The following SPIDR variants were observed in gnomAD, a reference collection of about 807,000 sequenced individuals.
SPIDR encodes the protein DNA repair-scaffolding protein.
In SPIDR, 93 loss-of-function variants were observed where a neutral mutation model predicts 104.6. The ratio of observed to expected loss-of-function variants is 0.89; its 90% CI spans 0.75 to 1.06. SPIDR has a LOEUF of 1.06. Ranked by LOEUF, SPIDR falls within the 50% of genes least tolerant of loss-of-function variation. SPIDR has a pLI of 0.00. For synonymous variants in SPIDR, 431 were observed against 416.9 expected, an observed-to-expected ratio of 1.03 and a Z score of -0.41; for missense variants, 1,154 against 1,111.2, an observed-to-expected ratio of 1.04 and a Z score of -0.55.
At chr8:47,493,016 GGAGAGA>G (rs35531714) in intron 8 of SPIDR, among the ~76,000 whole-genome samples, 1,405 of 140,454 alleles carry the variant, frequency 0.01, 22 homozygotes, top group East Asian at 0.045. Context: ...TTGAGCCATT[GGAGAGA>G]GAGAGAGAGA....
rs558513661 is a variant in SPIDR, at chr8:47,589,034, T to TTG, written c.1098-6776_1098-6775insGT. On this transcript the variant is annotated intron_variant, in intron 8 of 19. Coordinates refer to ENST00000297423, the MANE Select transcript of SPIDR (RefSeq NM_001080394.4). ...TGGTTTATAGTTTGTTTTTTTTTTTTTTTTTTTTTGTACTGTCTTTGGTTT... is the reference window on the plus strand; with the variant it reads ...TGGTTTATAGTTTGTTTTTTTTTTTTTGTTTTTTTTTGTACTGTCTTTGGTTT... Among the ~76,000 whole-genome samples the TTG allele has an allele frequency of 2.5e-3, 381 of 149,710 alleles. 3 individuals are homozygous for TTG. Among genetic ancestry groups the TTG allele is most frequent in the South Asian group, 0.021 (98 of 4,738 alleles).
intron 8 of SPIDR, among the ~76,000 whole-genome samples, chr8:47,589,797 T>C (rs773950897): frequency 1.7e-4 from 26 of 152,336 alleles, no homozygotes; most frequent in Non-Finnish European, 3.1e-4. Flanking sequence ...AGTCAATTCA[T>C]TGATCTTTTC....
At chr8:47,626,403 T>G (rs1432102718) in intron 10 of SPIDR, among the ~76,000 whole-genome samples, 1 of 152,068 alleles carries the variant, frequency 6.6e-6, no homozygotes, top group African/African-American at 2.4e-5. Flanking sequence ...CTAATTAAAC[T>G]AAAGAGCTTC....
At chr8:47,702,225 G>GCCCC (rs1330070609) in intron 14 of SPIDR, among the ~76,000 whole-genome samples, 2 of 151,984 alleles carry the variant, frequency 1.3e-5, no homozygotes, top group Non-Finnish European at 2.9e-5. Flanking sequence ...AGTTAAGCAT[G>GCCCC]CCCCATATAC....
chr8:47,476,518 C>T (rs2076309412), intron 8 of SPIDR, among the ~76,000 whole-genome samples: 1 of 152,076 alleles, frequency 6.6e-6, no homozygotes, highest in Non-Finnish European at 1.5e-5. Flanking sequence ...CATTGTGAGT[C>T]ACACAGTTCC....
In SPIDR at chr8:47,552,009, T is replaced by A. The variant is rs1036751217; in HGVS notation, c.1098-43802T>A. The stretch of plus-strand genomic sequence containing the variant: ...TGGTTTCAGAGAACATCTTTATTTC[T>A]GCCTTCATTTCGTTATGTACCCAGT... On this transcript the variant is annotated intron_variant, in intron 8 of 19. Transcript: ENST00000297423. 3.3e-5 allele frequency among the ~76,000 whole-genome samples: 5 copies of A among 152,230 alleles called. 1 individual carries two copies. Among genetic ancestry groups the A allele is most frequent in the African/African-American group, 4.8e-5 (2 of 41,454 alleles).
At chr8:47,703,744 CA>C (rs1225984238) in intron 14 of SPIDR, among the ~76,000 whole-genome samples, 4 of 152,166 alleles carry the variant, frequency 2.6e-5, no homozygotes, top group Admixed American at 2.0e-4. Context: ...GCCCACAGGC[CA>C]TGGTTTGCTG....
At chr8:47,591,952 G>A (rs2061068550) in intron 8 of SPIDR, among the ~76,000 whole-genome samples, 1 of 152,158 alleles carries the variant, frequency 6.6e-6, no homozygotes, top group Non-Finnish European at 1.5e-5. Context: ...TCTAGCTTCT[G>A]CTCATGCTTT....
intron 5 of SPIDR, among the ~76,000 whole-genome samples, chr8:47,358,551 G>C (rs2055039683): frequency 6.6e-6 from 1 of 152,122 alleles, no homozygotes; most frequent in African/African-American, 2.4e-5. Context: ...TAGATTTTAA[G>C]ATTAAGGTTT....
chr8:47,635,923 A>G lies in SPIDR; in HGVS notation c.1544+36727A>G, dbSNP rs192335334. On this transcript the variant is annotated intron_variant, in intron 10 of 19. Coordinates refer to ENST00000297423, the MANE Select transcript of SPIDR (RefSeq NM_001080394.4). ...CACCCACAAAGGTAACTATTTCCTT[A>G]TATGTAGAGAACTTTAGTCAGAAAA... 2.7e-3 allele frequency among the ~76,000 whole-genome samples: 409 copies of G among 152,354 alleles called. 3 individuals carry two copies. Among genetic ancestry groups the G allele is most frequent in the Admixed American group, 5.0e-3 (77 of 15,308 alleles).
chr8:47,480,525 A>C (rs1313642515), intron 8 of SPIDR, among the ~76,000 whole-genome samples: 1 of 152,238 alleles, frequency 6.6e-6, no homozygotes, highest in Non-Finnish European at 1.5e-5. Context: ...AGCATTCTGC[A>C]CTAATAGATA....
Position 47,380,964 on chromosome 8 carries a change from G to A in SPIDR, c.526-15412G>A, listed in dbSNP as rs371781351. On this transcript the variant is annotated intron_variant, in intron 5 of 19. Coordinates refer to ENST00000297423, the MANE Select transcript of SPIDR (RefSeq NM_001080394.4). ...GTCTGGAATTGGTGTTGCTTTATTG[G>A]TTTTAATTCAATAGAAAATAAAATT... is the stretch of plus-strand genomic sequence containing the variant. Among the ~76,000 whole-genome samples the A allele has an allele frequency of 3.3e-5, 5 of 152,116 alleles. 1 individual carries two copies. In the East Asian group the frequency reaches 9.6e-4, roughly 29 times the overall value.
At chr8:47,720,401 C>T (rs937425978) in intron 16 of SPIDR, among the ~76,000 whole-genome samples, 2 of 152,218 alleles carry the variant, frequency 1.3e-5, no homozygotes, top group Non-Finnish European at 2.9e-5. Flanking sequence ...GCTAAGCCGT[C>T]TTCCAAAGTT....
At chr8:47,530,297 A>C (rs1452592996) in intron 8 of SPIDR, among the ~76,000 whole-genome samples, 3 of 152,128 alleles carry the variant, frequency 2.0e-5, no homozygotes, top group Non-Finnish European at 4.4e-5. Flanking sequence ...GTGAAACCCC[A>C]GCTGGGTGTG....
At chr8:47,587,947 TCTC>T (rs2060450042) in intron 8 of SPIDR, among the ~76,000 whole-genome samples, 1 of 146,848 alleles carries the variant, frequency 6.8e-6, no homozygotes, top group African/African-American at 2.5e-5. Context: ...GGGAAAGTGA[TCTC>T]CTTTACTTCA....
At chr8:47,418,440 G>A (rs1407565133) in intron 7 of SPIDR, among the ~76,000 whole-genome samples, 2 of 152,124 alleles carry the variant, frequency 1.3e-5, no homozygotes, top group African/African-American at 4.8e-5. Flanking sequence ...TGGTATATAA[G>A]AATGCTTGTG....
In SPIDR at chr8:47,595,894, C is replaced by T. The variant is rs753348456; in HGVS notation, c.1181C>T (p.Ser394Leu). 1.2e-6 allele frequency: 2 copies of T among 1,614,148 alleles called. No individual in the cohort carries two copies. The highest frequency in any genetic ancestry group is 2.2e-5 in the East Asian group (1 of 44,882). Reference protein sequence around the residue: ...FCEKVVAKEDSEKTCEVYCPD... With the variant: ...FCEKVVAKEDLEKTCEVYCPD... The stretch of plus-strand genomic sequence containing the variant: ...GAGAAAGTTGTTGCCAAAGAAGATT[C>T]AGAAAAAACTTGTGAAGTGTACTGT... The change falls in exon 9 of 20, where the codon TCA becomes TTA. Residue 394 changes from serine (S) to leucine (L), a missense_variant. Ser to Leu is a moderately radical substitution (Grantham distance 145). Coordinates refer to ENST00000297423, the MANE Select transcript of SPIDR (RefSeq NM_001080394.4).
At chr8:47,457,611 C>A (rs2073208216) in intron 8 of SPIDR, among the ~76,000 whole-genome samples, 1 of 151,750 alleles carries the variant, frequency 6.6e-6, no homozygotes, top group Non-Finnish European at 1.5e-5. Context: ...TAAGTTCCAC[C>A]TCTTTGTTTT....
At chr8:47,548,307 CAAAG>C (rs1177051414) in intron 8 of SPIDR, among the ~76,000 whole-genome samples, 1 of 152,116 alleles carries the variant, frequency 6.6e-6, no homozygotes, top group Non-Finnish European at 1.5e-5. Context: ...CACATTAACA[CAAAG>C]AAGGGAAGAA....
Sources: allele counts gnomAD v4.1 joint callset (sites outside exome capture counted in the v4.1 genomes callset), GRCh38; gene constraint gnomAD v4.1.1; transcripts MANE v1.5; gene names NCBI Gene and HGNC (gene_info 2026-07-23, HGNC 2026-07-21).